Variants in DLL4 observed in about 807,000 individuals in gnomAD.
DLL4 encodes delta-like protein 4.
Under a neutral mutation model 73.6 loss-of-function variants are expected in DLL4, and 7 were observed. That is an observed-to-expected ratio of 0.10 (90% CI 0.05 to 0.18). The LOEUF (loss-of-function observed/expected upper bound fraction) is 0.18. Among genes scored for constraint, DLL4 ranks in the 10% least tolerant of loss-of-function variants. The probability of loss-of-function intolerance (pLI) is 1.00; values close to 1 mark genes in which losing one functional copy is unlikely to be tolerated. For missense variants in DLL4, 614 were observed against 929.9 expected, an observed-to-expected ratio of 0.66 and a Z score of 4.42; for synonymous variants, 345 against 374.3, an observed-to-expected ratio of 0.92 and a Z score of 0.90.
intron 4 of DLL4, 136 bp from the exon 5 acceptor site, chr15:40,932,035 C>T (rs1447852879): frequency 1.6e-5 from 17 of 1,054,008 alleles, no homozygotes; most frequent in Non-Finnish European, 2.1e-5. Flanking sequence ...CTTTAAGACA[C>T]TCGGGGCTCC....
In DLL4 at chr15:40,936,911, G is replaced by A. The variant is rs760901492; in HGVS notation, c.1924G>A (p.Ala642Thr). The A allele has an allele frequency of 1.9e-6, 3 of 1,605,086 alleles. No individual in the cohort carries two copies. The South Asian group carries it at 3.3e-5, about 18-fold the overall frequency. ...PHSDKSLGEKAPLRLHSEKPE... is the reference protein window; with the variant it reads ...PHSDKSLGEKTPLRLHSEKPE... ...CAGTGACAAGAGCTTAGGAGAGAAG[G>A]CGCCACTGCGGTTACACAGGTGAGT... Residue 642 changes from alanine to threonine, a missense_variant, in exon 9 of 11, where the codon GCG (alanine) becomes ACG (threonine). Physicochemically the swap from Ala to Thr is moderately conservative, Grantham distance 58. Coordinates refer to ENST00000249749, the MANE Select transcript of DLL4 (RefSeq NM_019074.4).
In DLL4 at chr15:40,931,591, C is replaced by G; in HGVS notation, c.483C>G (p.Thr161=). The change falls in exon 4 of 11, where the codon ACC becomes ACG. Residue 161 remains threonine, a synonymous_variant. Transcript: ENST00000249749. ...AGAACTGGTTATTGGATGAGCAAAC[C>G]AGCACCCTCACAAGGCTGCGCTACT... ...VGQNWLLDEQ[T]STLTRLRYSY... 6.2e-7 allele frequency: 1 copy of G among 1,612,848 alleles called. No individual in the cohort carries two copies. Among genetic ancestry groups the G allele is most frequent in the Non-Finnish European group, 8.5e-7 (1 of 1,179,434 alleles).
chr15:40,931,903 G>T, intron 4 of DLL4, 137 bp downstream of exon 4: 1 of 1,202,960 alleles, frequency 8.3e-7, no homozygotes, highest in Non-Finnish European at 1.2e-6. Context: ...GATGCTGAGG[G>T]TGGGCTTGAC....
chr15:40,937,875 G>T (rs145218584), intron 10 of DLL4, among the ~76,000 whole-genome samples, 154 bp from the exon 11 acceptor site: 2 of 152,272 alleles, frequency 1.3e-5, no homozygotes, highest in South Asian at 2.1e-4. Context: ...TCCCAGGCCC[G>T]TGTGTGTGTT....
In DLL4 at chr15:40,937,981, TG is replaced by T. The variant is rs776619326; in HGVS notation, c.2053-47del. 19 of 1,596,792 alleles carry T rather than the reference TG, an allele frequency of 1.2e-5. No homozygotes were observed. The African/African-American group carries it at 1.7e-4, about 15-fold the overall frequency. On this transcript the variant is annotated intron_variant, in intron 10 of 10. Transcript: ENST00000249749. ...AGGCCCAGGGAGGGCCTGGAGGGAG[TG>T]CGCATGCCCAGGGTAACCTGTTTCC...
Position 40,934,622 on chromosome 15 carries a change from A to G in DLL4, c.925A>G (p.Thr309Ala). 1 of 1,613,900 alleles carries G rather than the reference A, an allele frequency of 6.2e-7. No homozygotes were observed. Among genetic ancestry groups the G allele is most frequent in the Non-Finnish European group, 8.5e-7 (1 of 1,179,876 alleles). The change falls in exon 7 of 11, where the codon ACC becomes GCC. Residue 309 changes from threonine to alanine, a missense_variant. By Grantham distance (58) the Thr-to-Ala change is moderately conservative. Coordinates refer to ENST00000249749, the MANE Select transcript of DLL4 (RefSeq NM_019074.4). Reference protein sequence around the residue: ...TCSNSGQRSYTCTCRPGYTGV... With the variant: ...TCSNSGQRSYACTCRPGYTGV... ...CTCCAACAGTGGGCAGCGAAGCTAC[A>G]CCTGCACCTGTCGCCCAGGCTACAC...
rs945266579 is a variant in DLL4 at position 40,935,034 on chromosome 15, A to G, written c.1157A>G (p.Tyr386Cys). ...SCRERNQGAN[Y>C]ACECPPNFTG... Reference sequence around the variant, plus strand: ...CGGGAGCGCAACCAGGGGGCCAACTATGCTTGTGAATGTCCCCCCAACTTC... The same window carrying G: ...CGGGAGCGCAACCAGGGGGCCAACTGTGCTTGTGAATGTCCCCCCAACTTC... The change falls in exon 8 of 11, where the codon TAT (tyrosine) becomes TGT (cysteine). Residue 386 changes from tyrosine (Y) to cysteine (C), a missense_variant. Tyr to Cys is a radical substitution (Grantham distance 194). Transcript: ENST00000249749. 4 of 1,613,486 alleles carry G rather than the reference A, an allele frequency of 2.5e-6. No homozygotes were observed. Among genetic ancestry groups the G allele is most frequent in the African/African-American group, 1.3e-5 (1 of 75,042 alleles).
chr15:40,931,245 G>T, intron 3 of DLL4: 1 of 551,062 alleles, frequency 1.8e-6, no homozygotes, highest in Non-Finnish European at 3.2e-6. Context: ...CAAGACCCTG[G>T]GATATCTTAA....
chr15:40,933,267 G>GT (rs1191492392), intron 6 of DLL4, among the ~76,000 whole-genome samples: 21 of 124,684 alleles, frequency 1.7e-4, no homozygotes, highest in Non-Finnish European at 3.5e-4. Flanking sequence ...CAGTCCCTGT[G>GT]TTGTGTGTGT....
At chr15:40,934,015 CAAAAAAAAAAAAA>C (rs59066863) in intron 6 of DLL4, among the ~76,000 whole-genome samples, 1 of 42,130 alleles carries the variant, frequency 2.4e-5, no homozygotes, top group African/African-American at 9.6e-5. Flanking sequence ...GACTCCGTCT[CAAAAAAAAAAAAA>C]AAAAAAAAAA....
chr15:40,938,005 T>A, intron 10 of DLL4, 24 bp from the exon 11 acceptor site: 1 of 1,602,484 alleles, frequency 6.2e-7, no homozygotes, highest in Non-Finnish European at 8.5e-7. Context: ...GTAACCTGTT[T>A]CCCTGCCTTC....
In DLL4 at chr15:40,938,154, G is replaced by A; in HGVS notation, c.*120G>A. On this transcript the variant is annotated 3_prime_UTR_variant, in exon 11 of 11. Coordinates refer to ENST00000249749, the MANE Select transcript of DLL4 (RefSeq NM_019074.4). ...TGCAACGTGCTGCTCTCAGGAGGAGGAGGGAATGGCAGGAACCGGACAGAC... is the reference window on the plus strand; with the variant it reads ...TGCAACGTGCTGCTCTCAGGAGGAGAAGGGAATGGCAGGAACCGGACAGAC... 8.5e-7 allele frequency: 1 copy of A among 1,173,984 alleles called. No homozygotes were observed. The highest frequency in any genetic ancestry group is 1.1e-6 in the Non-Finnish European group (1 of 872,336). 72.7% of individuals were successfully genotyped at this position (1,173,984 alleles called of 1,614,324 possible). A position where few individuals can be genotyped will look rare whatever the true frequency, so the allele number is the denominator to read the frequency against.
chr15:40,937,303 C>T (rs949140725), intron 9 of DLL4, 115 bp from the exon 10 acceptor site: 3 of 781,688 alleles, frequency 3.8e-6, no homozygotes, highest in Non-Finnish European at 4.5e-6. Context: ...GCACGTCCAG[C>T]CCCTGTGTCT....
chr15:40,937,488 A>G lies in DLL4; in HGVS notation c.2014A>G (p.Ile672Val), dbSNP rs757079972. The change falls in exon 10 of 11, where the codon ATA (isoleucine) becomes GTA (valine). Residue 672 changes from isoleucine (I) to valine (V), a missense_variant. Physicochemically the swap from Ile to Val is conservative, Grantham distance 29. Transcript: ENST00000249749. ...RDSMYQSVCL[I>V]SEERNECVIA... is the part of the protein sequence containing the mutation. The stretch of plus-strand genomic sequence containing the variant: ...CTCCATGTACCAGTCTGTGTGTTTG[A>G]TATCAGAGGAGAGGAATGAATGTGT... 3.1e-6 allele frequency: 5 copies of G among 1,613,584 alleles called. No homozygotes were observed. In the East Asian group the frequency reaches 1.1e-4, roughly 36 times the overall value.
At position 40,930,603 on chromosome 15, in the gene DLL4, G is replaced by T. The variant is rs958382529; in HGVS notation, c.337-22G>T. On this transcript the variant is annotated intron_variant, in intron 2 of 10. Coordinates refer to ENST00000249749, the MANE Select transcript of DLL4 (RefSeq NM_019074.4). This position sits in a 1 kb window ranked among gnomAD's most constrained non-coding sequence, Gnocchi z 5.7. Reference sequence around the variant, plus strand: ...CGCTTGCTCATCTCGCCATCTCTCCGTCCCCCCACCCCCTTTCCCAGGGTA... The same window carrying T: ...CGCTTGCTCATCTCGCCATCTCTCCTTCCCCCCACCCCCTTTCCCAGGGTA... 12 of 1,611,782 alleles carry T rather than the reference G, an allele frequency of 7.4e-6. No homozygotes were observed. The highest frequency in any genetic ancestry group is 1.3e-5 in the African/African-American group (1 of 74,820).
rs1231300178 is a variant in DLL4 at position 40,937,367 on chromosome 15, C to G, written c.1944-51C>G. On this transcript the variant is annotated intron_variant, in intron 9 of 10. Coordinates refer to ENST00000249749, the MANE Select transcript of DLL4 (RefSeq NM_019074.4). Reference sequence around the variant, plus strand: ...TTGGCTCTCCAGGGTCCTCCCTCCCCCCAAGCCTCTCCCCGTCCCTCCCTT... The same window carrying G: ...TTGGCTCTCCAGGGTCCTCCCTCCCGCCAAGCCTCTCCCCGTCCCTCCCTT... 5.2e-6 allele frequency: 7 copies of G among 1,347,268 alleles called. No homozygotes were observed. The East Asian group carries it at 1.1e-4, about 22-fold the overall frequency. 83.5% of individuals were successfully genotyped at this position (1,347,268 alleles called of 1,614,324 possible).
rs1892841682 is a variant in DLL4, at chr15:40,936,216, G to A, written c.1241-12G>A. On this transcript the variant is annotated splice_polypyrimidine_tract_variant and intron_variant, in intron 8 of 10. Coordinates refer to ENST00000249749, the MANE Select transcript of DLL4 (RefSeq NM_019074.4). ...AGGCTATCACTGACTTGTGTCTCATGCGTCCTCACAGGGGGACAGTGCCTG... is the reference window on the plus strand; with the variant it reads ...AGGCTATCACTGACTTGTGTCTCATACGTCCTCACAGGGGGACAGTGCCTG... The A allele has an allele frequency of 6.4e-7, 1 of 1,559,294 alleles. No individual in the cohort carries two copies. Among genetic ancestry groups the A allele is most frequent in the Non-Finnish European group, 8.7e-7 (1 of 1,155,220 alleles).
intron 6 of DLL4, among the ~76,000 whole-genome samples, chr15:40,933,852 C>G (rs1228634978): frequency 6.6e-6 from 1 of 151,650 alleles, no homozygotes; most frequent in Non-Finnish European, 1.5e-5. Flanking sequence ...ACAGTGAAAC[C>G]CTGTCTGTAT....
At position 40,930,013 on chromosome 15, in the gene DLL4, C is replaced by A; in HGVS notation, c.233C>A (p.Thr78Asn). The part of the protein sequence containing the change: ...VVSPGPCTFG[T>N]VSTPVLGTNS... ...TCGCCCGGACCCTGCACCTTCGGGA[C>A]CGTCTCCACGCCGGTATTGGGCACC... The change falls in exon 2 of 11, where the codon ACC becomes AAC. Residue 78 changes from threonine to asparagine, a missense_variant. Thr to Asn is a moderately conservative substitution (Grantham distance 65). This residue lies in a region of DLL4 where 227 missense variants were observed against 370.8 expected (regional missense o/e 0.61). Coordinates refer to ENST00000249749, the MANE Select transcript of DLL4 (RefSeq NM_019074.4). The surrounding 1 kb of genome is among the most constrained non-coding windows in gnomAD (Gnocchi z 5.7). The A allele has an allele frequency of 6.2e-7, 1 of 1,612,966 alleles. No individual in the cohort carries two copies. The highest frequency in any genetic ancestry group is 1.7e-4 in the Middle Eastern group (1 of 6,058).
Sources: gnomAD v4.1 joint callset for allele counts (sites outside exome capture counted in the v4.1 genomes callset) on GRCh38, gnomAD v4.1.1 for gene constraint, gnomAD v4.1.1 regional missense constraint, Gnocchi (gnomAD v3.1) non-coding constraint, MANE v1.5 for transcripts, NCBI Gene and HGNC (gene_info 2026-07-23, HGNC 2026-07-21) for gene names.